The following KDM4B variants were observed in gnomAD, a reference collection of about 807,000 sequenced individuals.
KDM4B encodes lysine-specific demethylase 4B.
KDM4B carries 32 observed loss-of-function variants against 125.2 expected under a neutral mutation model. The ratio of observed to expected loss-of-function variants is 0.26; its 90% CI spans 0.19 to 0.34. The LOEUF is 0.34. Among genes scored for constraint, KDM4B ranks in the 10% least tolerant of loss-of-function variants. KDM4B has a pLI of 1.00. For synonymous variants in KDM4B, 721 were observed against 677.9 expected (o/e 1.06, Z -0.99); for missense variants, 1,190 against 1,577.7 (o/e 0.75, Z 4.16).
At chr19:5,092,063 C>T (rs2038719439) in intron 9 of KDM4B, among the ~76,000 whole-genome samples, 1 of 152,220 alleles carries the variant, frequency 6.6e-6, no homozygotes, top group Non-Finnish European at 1.5e-5. Context: ...GCAGCTAAGA[C>T]CAGGCGGAGC....
Position 4,990,499 on chromosome 19 carries a change from G to A in KDM4B, c.-109+21269G>A, listed in dbSNP as rs534556588. Among the ~76,000 whole-genome samples the A allele has an allele frequency of 1.1e-3, 161 of 152,320 alleles. 1 individual carries two copies. The highest frequency in any genetic ancestry group is 3.8e-3 in the African/African-American group (156 of 41,568). On this transcript the variant is annotated intron_variant, in intron 1 of 22. Transcript: ENST00000159111. ...CCTGAGTCTGAAGGCAGCGTGGCGAGGAGATGGGAGGGCTGTGCCTGGGAT... is the reference window on the plus strand; with the variant it reads ...CCTGAGTCTGAAGGCAGCGTGGCGAAGAGATGGGAGGGCTGTGCCTGGGAT...
chr19:5,023,507 C>T (rs557832764), intron 2 of KDM4B, among the ~76,000 whole-genome samples: 3 of 152,182 alleles, frequency 2.0e-5, no homozygotes, highest in Admixed American at 6.5e-5. Context: ...CTTGGGGCTC[C>T]TCTGTCCTCG....
At chr19:4,970,538 C>A (rs1043896911) in intron 1 of KDM4B, among the ~76,000 whole-genome samples, 13 of 152,172 alleles carry the variant, frequency 8.5e-5, no homozygotes, top group Non-Finnish European at 1.6e-4. Flanking sequence ...CCTCAATGGC[C>A]ATTTATCAGA....
intron 6 of KDM4B, among the ~76,000 whole-genome samples, chr19:5,065,673 T>A (rs1599542737): frequency 6.6e-6 from 1 of 152,224 alleles, no homozygotes; most frequent in Admixed American, 6.5e-5. Context: ...GTCCGCTGGC[T>A]GGAGGGGAGC....
rs922711612 is a variant in KDM4B, at chr19:4,997,262, CGTT to C, written c.-108-18991_-108-18989del. On this transcript the variant is annotated intron_variant, in intron 1 of 22. Transcript: ENST00000159111. This position sits in a 1 kb window ranked among gnomAD's most constrained non-coding sequence, Gnocchi z 4.2. Reference sequence around the variant, plus strand: ...CTTATCTTTAGTTTTATTTTTGGTGCGTTGTTACATAGGATGTTTTCAAGTTGC... The same window carrying C: ...CTTATCTTTAGTTTTATTTTTGGTGCGTTACATAGGATGTTTTCAAGTTGC... Among the ~76,000 whole-genome samples the C allele has an allele frequency of 1.8e-4, 28 of 152,180 alleles. No individual in the cohort carries two copies. Among genetic ancestry groups the C allele is most frequent in the African/African-American group, 5.8e-4 (24 of 41,494 alleles).
At chr19:5,133,451 G>A (rs1449200972) in intron 13 of KDM4B, among the ~76,000 whole-genome samples, 5 of 152,170 alleles carry the variant, frequency 3.3e-5, no homozygotes, top group East Asian at 1.9e-4. Context: ...GGTCACTGCC[G>A]ACGCCCCCAC....
intron 22 of KDM4B, among the ~76,000 whole-genome samples, chr19:5,150,709 C>T (rs2039931458): frequency 6.6e-6 from 1 of 152,180 alleles, no homozygotes; most frequent in Non-Finnish European, 1.5e-5. Context: ...AAGCCCCGCC[C>T]CTCCCCTTAT....
chr19:5,092,538 C>T (rs899837817), intron 9 of KDM4B, among the ~76,000 whole-genome samples: 74 of 152,320 alleles, frequency 4.9e-4, no homozygotes, highest in African/African-American at 1.7e-3. Context: ...TTTTCTAGAC[C>T]GAGGCTCGTG....
At chr19:5,034,168 C>A (rs62114357) in intron 3 of KDM4B, among the ~76,000 whole-genome samples, 1 of 151,974 alleles carries the variant, frequency 6.6e-6, no homozygotes, top group Non-Finnish European at 1.5e-5. Context: ...TGGTGCTGCA[C>A]GTTTCACGGC....
chr19:5,001,150 G>A (rs2035371686), intron 1 of KDM4B, among the ~76,000 whole-genome samples: 1 of 151,790 alleles, frequency 6.6e-6, no homozygotes, highest in Admixed American at 6.6e-5. Context: ...TGCCACTTCG[G>A]CCTCCTGACT....
chr19:5,077,533 G>A, intron 8 of KDM4B, 63 bp downstream of exon 8: 1 of 1,361,818 alleles, frequency 7.3e-7, no homozygotes. Context: ...AGCCCAGGTG[G>A]CCGCACATAC....
intron 9 of KDM4B, among the ~76,000 whole-genome samples, chr19:5,093,773 T>G (rs1430549387): frequency 1.3e-5 from 2 of 152,140 alleles, no homozygotes; most frequent in Non-Finnish European, 2.9e-5. Flanking sequence ...ACCGCGCAGG[T>G]CACTGTTCAG....
At chr19:5,146,039 C>G (rs745912585) in intron 21 of KDM4B, among the ~76,000 whole-genome samples, 2 of 152,048 alleles carry the variant, frequency 1.3e-5, no homozygotes, top group African/African-American at 4.8e-5. Flanking sequence ...ACCCCTACCC[C>G]CCGCCGTGCA....
At chr19:5,061,593 C>T (rs2037599369) in intron 6 of KDM4B, among the ~76,000 whole-genome samples, 1 of 152,124 alleles carries the variant, frequency 6.6e-6, no homozygotes, top group Non-Finnish European at 1.5e-5. Flanking sequence ...GGCAGGTTGG[C>T]TCATGCCTGT....
At chr19:5,105,792 G>A (rs1486568607) in intron 9 of KDM4B, among the ~76,000 whole-genome samples, 2 of 152,202 alleles carry the variant, frequency 1.3e-5, no homozygotes, top group African/African-American at 4.8e-5. Context: ...TACAGGCCGT[G>A]CATTCCCCAT....
chr19:5,088,495 G>A (rs1212567054), intron 9 of KDM4B, among the ~76,000 whole-genome samples: 1 of 152,198 alleles, frequency 6.6e-6, no homozygotes, highest in South Asian at 2.1e-4. Context: ...AGCAGAGGTC[G>A]ATGGGGGGGA....
intron 17 of KDM4B, 113 bp downstream of exon 17, chr19:5,137,789 C>A: frequency 9.0e-7 from 1 of 1,116,666 alleles, no homozygotes; most frequent in East Asian, 2.5e-5. Flanking sequence ...TCCACATAAC[C>A]GCCCTGTGTC....
intron 2 of KDM4B, among the ~76,000 whole-genome samples, chr19:5,025,055 T>G (rs1168647025): frequency 2.6e-5 from 4 of 152,272 alleles, no homozygotes; most frequent in Non-Finnish European, 5.9e-5. Flanking sequence ...AGAAGGCTGC[T>G]CTTGGGCCTC....
chr19:4,979,380 A>G (rs1197477931), intron 1 of KDM4B, among the ~76,000 whole-genome samples: 2 of 152,200 alleles, frequency 1.3e-5, no homozygotes, highest in Non-Finnish European at 2.9e-5. Flanking sequence ...AGCCTTGTCC[A>G]TTGTGGGAAC....
Sources: allele counts gnomAD v4.1 joint callset (sites outside exome capture counted in the v4.1 genomes callset), GRCh38; gene constraint gnomAD v4.1.1; non-coding constraint Gnocchi (gnomAD v3.1); transcripts MANE v1.5; gene names NCBI Gene and HGNC (gene_info 2026-07-23, HGNC 2026-07-21).